Variants in CYP2J2 observed in about 807,000 individuals in gnomAD.
CYP2J2 encodes cytochrome P450 family 2 subfamily J member 2, also known as cytochrome P450 2J2.
CYP2J2 carries 41 observed loss-of-function variants against 48.8 expected under a neutral mutation model. The observed-to-expected ratio is 0.84, with a 90% CI of 0.66 to 1.09. The LOEUF (loss-of-function observed/expected upper bound fraction) is 1.09, where lower values mean the gene tolerates loss of function less well. CYP2J2 is among the 50% of genes least tolerant of loss of function. The probability of loss-of-function intolerance (pLI) is 0.00; values close to 1 mark genes in which losing one functional copy is unlikely to be tolerated. For synonymous variants in CYP2J2, 221 were observed against 227.1 expected (o/e 0.97, Z 0.24); for missense variants, 644 against 617.3 (o/e 1.04, Z -0.46).
chr1:59,967,785 G>GT, the CYP2J2 span, among the ~76,000 whole-genome samples: 2 of 152,312 alleles, frequency 1.3e-5, no homozygotes, highest in African/African-American at 4.8e-5. Context: ...CATGCTATTT[G>GT]TAAGTACTGA....
At chr1:59,906,078 C>G (rs542946999) in intron 6 of CYP2J2, among the ~76,000 whole-genome samples, 1 of 151,998 alleles carries the variant, frequency 6.6e-6, no homozygotes, top group Non-Finnish European at 1.5e-5. Flanking sequence ...CCCAGCTACT[C>G]GGGAGGCTGA....
Position 59,907,849 on chromosome 1 carries a change from C to T in CYP2J2, c.940G>A (p.Glu314Lys), listed in dbSNP as rs774331140. Residue 314 changes from glutamate (E) to lysine (K), a missense_variant, in exon 6 of 9, where the codon GAG becomes AAG. Transcript: ENST00000371204. ...CATCGCAGAGTTGTGGAAGTTGTCTCGGTTCCGGCAAAGAAGAGGTCCAGG... is the reference window on the plus strand; with the variant it reads ...CATCGCAGAGTTGTGGAAGTTGTCTTGGTTCCGGCAAAGAAGAGGTCCAGG... Reference protein sequence around the residue: ...STLDLFFAGTETTSTTLRWAL... With the variant: ...STLDLFFAGTKTTSTTLRWAL... 1.2e-5 allele frequency: 20 copies of T among 1,613,978 alleles called. No homozygotes were observed. Among genetic ancestry groups the T allele is most frequent in the African/African-American group, 8.0e-5 (6 of 74,910 alleles).
chr1:59,921,842 T>A (rs193004223), intron 1 of CYP2J2, among the ~76,000 whole-genome samples: 80 of 152,268 alleles, frequency 5.3e-4, no homozygotes, highest in African/African-American at 1.8e-3. Flanking sequence ...GTTCTAAGGC[T>A]CTGTTAGAAA....
chr1:59,920,853 A>T (rs1644506434), intron 1 of CYP2J2, among the ~76,000 whole-genome samples: 1 of 152,164 alleles, frequency 6.6e-6, no homozygotes, highest in African/African-American at 2.4e-5. Flanking sequence ...ATTAGTTCCC[A>T]TGTTTAGTAT....
intron 5 of CYP2J2, among the ~76,000 whole-genome samples, chr1:59,908,866 A>G (rs1265762009): frequency 6.6e-6 from 1 of 152,202 alleles, no homozygotes; most frequent in Non-Finnish European, 1.5e-5. Context: ...GAAAGGTACA[A>G]AACAGAAGGG....
the CYP2J2 span, among the ~76,000 whole-genome samples, chr1:59,961,052 G>T: frequency 6.6e-6 from 1 of 152,106 alleles, no homozygotes; most frequent in Non-Finnish European, 1.5e-5. Flanking sequence ...AGAAAACATG[G>T]AAGTAAGTCT....
chr1:59,919,413 GTGTA>G (rs759768076), intron 1 of CYP2J2, among the ~76,000 whole-genome samples: 84 of 152,236 alleles, frequency 5.5e-4, no homozygotes, highest in Non-Finnish European at 1.1e-3. Context: ...GTACCGCTGA[GTGTA>G]TGTGTGTGTG....
chr1:59,937,545 A>ATCTGC, the CYP2J2 span, among the ~76,000 whole-genome samples: 1 of 152,318 alleles, frequency 6.6e-6, no homozygotes, highest in African/African-American at 2.4e-5. Flanking sequence ...TTTGGGTTAA[A>ATCTGC]TCTGCTTAGC....
At chr1:59,939,693 C>A in the CYP2J2 span, among the ~76,000 whole-genome samples, 1 of 152,320 alleles carries the variant, frequency 6.6e-6, no homozygotes, top group Non-Finnish European at 1.5e-5. Flanking sequence ...GGGGCAGGTC[C>A]AGAGGTACTG....
chr1:59,945,792 T>C, the CYP2J2 span, among the ~76,000 whole-genome samples: 1 of 152,200 alleles, frequency 6.6e-6, no homozygotes, highest in Non-Finnish European at 1.5e-5. Flanking sequence ...GAAAACTCCA[T>C]CCTCTGGCTT....
At chr1:59,958,833 A>G in the CYP2J2 span, among the ~76,000 whole-genome samples, 3 of 152,104 alleles carry the variant, frequency 2.0e-5, no homozygotes, top group Non-Finnish European at 2.9e-5. Flanking sequence ...AATTGTCTCT[A>G]TGTGAACAAC....
chr1:59,955,557 A>T, the CYP2J2 span, among the ~76,000 whole-genome samples: 10 of 152,198 alleles, frequency 6.6e-5, no homozygotes, highest in Non-Finnish European at 1.5e-4. Flanking sequence ...GCAAAGAAAA[A>T]ATAGCAACCA....
the CYP2J2 span, among the ~76,000 whole-genome samples, chr1:59,955,288 A>ATATCCATATATATATATCCATATATATC: frequency 7.4e-4 from 91 of 122,408 alleles, no homozygotes; most frequent in African/African-American, 3.7e-3. Context: ...CCATATATAT[A>ATATCCATATATATATATCCATATATATC]TATCCATATA....
At position 59,926,631 on chromosome 1, in the gene CYP2J2, C is replaced by T. The variant is rs143139345; in HGVS notation, c.116G>A (p.Arg39His). Residue 39 changes from arginine to histidine, a missense_variant, in exon 1 of 9, where the codon CGC becomes CAC. Physicochemically the swap from Arg to His is conservative, Grantham distance 29. Transcript: ENST00000371204. The part of the protein sequence containing the change: ...LLAADFLKRR[R>H]PKNYPPGPWR... Reference sequence around the variant, plus strand: ...GGGCCCCGGCGGGTAGTTCTTTGGGCGCCGTCTTTTGAGAAAGTCAGCAGC... The same window carrying T: ...GGGCCCCGGCGGGTAGTTCTTTGGGTGCCGTCTTTTGAGAAAGTCAGCAGC... The T allele has an allele frequency of 2.1e-4, 333 of 1,614,206 alleles. No homozygotes were observed. The African/African-American group carries it at 3.1e-3, about 15-fold the overall frequency.
At chr1:59,896,573 G>A (rs1275740493) in intron 8 of CYP2J2, among the ~76,000 whole-genome samples, 2 of 151,862 alleles carry the variant, frequency 1.3e-5, no homozygotes, top group Non-Finnish European at 2.9e-5. Flanking sequence ...CAGCCACCCT[G>A]TGCAGACTCC....
chr1:59,919,671 T>C (rs1644496888), intron 1 of CYP2J2, among the ~76,000 whole-genome samples: 1 of 152,202 alleles, frequency 6.6e-6, no homozygotes, highest in Non-Finnish European at 1.5e-5. Flanking sequence ...GAAAATATAA[T>C]GTATATGATA....
chr1:59,945,290 T>A, the CYP2J2 span, among the ~76,000 whole-genome samples: 9 of 152,010 alleles, frequency 5.9e-5, no homozygotes, highest in Non-Finnish European at 8.8e-5. Context: ...GAGAGAGATC[T>A]AACTTCATTT....
At chr1:59,969,052 T>C in the CYP2J2 span, among the ~76,000 whole-genome samples, 4 of 152,254 alleles carry the variant, frequency 2.6e-5, no homozygotes, top group South Asian at 2.1e-4. Context: ...TTCCTCCTGG[T>C]GGGCTCGTGG....
intron 7 of CYP2J2, 39 bp downstream of exon 7, chr1:59,904,832 A>AC (rs775904165): frequency 1.3e-6 from 2 of 1,557,984 alleles, no homozygotes; most frequent in Non-Finnish European, 1.8e-6. Flanking sequence ...TCAAGTTTCT[A>AC]CCCCCCTAAA....
Sources: allele counts gnomAD v4.1 joint callset (sites outside exome capture counted in the v4.1 genomes callset), GRCh38; gene constraint gnomAD v4.1.1; transcripts MANE v1.5; gene names NCBI Gene and HGNC (gene_info 2026-07-23, HGNC 2026-07-21).